Variants in SPATA7 observed in about 807,000 individuals in gnomAD.
SPATA7 encodes spermatogenesis-associated protein 7.
A neutral mutation model predicts 51.8 loss-of-function variants in SPATA7; 43 were observed. The ratio of observed to expected loss-of-function variants is 0.83; its 90% CI spans 0.65 to 1.07. SPATA7 has a LOEUF of 1.07. SPATA7 is among the 50% of genes least tolerant of loss of function. The probability of loss-of-function intolerance (pLI) is 0.00; values close to 1 mark genes in which losing one functional copy is unlikely to be tolerated. For missense variants in SPATA7, 683 were observed against 701.3 expected, an observed-to-expected ratio of 0.97 and a Z score of 0.30; for synonymous variants, 230 against 252.8, an observed-to-expected ratio of 0.91 and a Z score of 0.86.
intron 4 of SPATA7, among the ~76,000 whole-genome samples, chr14:88,462,281 A>C (rs1278537117): frequency 6.6e-6 from 1 of 152,148 alleles, no homozygotes; most frequent in Non-Finnish European, 1.5e-5. Context: ...TTCCCTGTTC[A>C]TTTGTTCAGT....
chr14:88,469,856 C>T lies in SPATA7; in HGVS notation c.265C>T (p.Pro89Ser), dbSNP rs1463259465. 2 of 1,609,312 alleles carry T rather than the reference C, an allele frequency of 1.2e-6. No homozygotes were observed. The highest frequency in any genetic ancestry group is 4.5e-5 in the East Asian group (2 of 44,872). ...GCCTTTTTCTCCACAGGTCAGGATT[C>T]CAGATGATTAACATTAACTGTTCTT... The change falls in exon 5 of 5, where the codon CCA becomes TCA. Residue 89 changes from proline to serine, a missense_variant. Physicochemically the swap from Pro to Ser is moderately conservative, Grantham distance 74. Transcript: ENST00000556406. This position sits in a 1 kb window ranked among gnomAD's most constrained non-coding sequence, Gnocchi z 4.3.
intron 10 of SPATA7, among the ~76,000 whole-genome samples, chr14:88,434,414 C>A (rs927061038): frequency 4.6e-5 from 7 of 152,260 alleles, no homozygotes; most frequent in Non-Finnish European, 1.0e-4. Flanking sequence ...GGGCTGGGCG[C>A]AGTGGCTCAC....
At chr14:88,437,770 T>C in intron 11 of SPATA7, 68 bp from the exon 12 acceptor site, 1 of 1,462,088 alleles carries the variant, frequency 6.8e-7, no homozygotes, top group Non-Finnish European at 9.3e-7. Flanking sequence ...TGTGAGATTT[T>C]CAGCACTGCA....
At chr14:88,415,279 G>C in intron 4 of SPATA7, 1 of 328,274 alleles carries the variant, frequency 3.0e-6, no homozygotes, top group Non-Finnish European at 6.4e-6. Flanking sequence ...AAGTCTTGTG[G>C]AATTGAATCC....
chr14:88,416,606 C>A, intron 4 of SPATA7, 105 bp from the exon 5 acceptor site: 1 of 1,084,270 alleles, frequency 9.2e-7, no homozygotes, highest in Non-Finnish European at 1.4e-6. Flanking sequence ...ATTTACATAT[C>A]ATAACATTTT....
At chr14:88,409,888 A>G (rs1186608553) in intron 4 of SPATA7, among the ~76,000 whole-genome samples, 2 of 152,100 alleles carry the variant, frequency 1.3e-5, no homozygotes, top group Non-Finnish European at 2.9e-5. Context: ...GTTTCCATGT[A>G]GTTGTGTGGC....
intron 2 of SPATA7, among the ~76,000 whole-genome samples, chr14:88,392,845 T>G (rs2075779683): frequency 6.7e-6 from 1 of 150,198 alleles, no homozygotes; most frequent in African/African-American, 2.5e-5. Context: ...GACCAAGGAG[T>G]TTAATGTCAT....
At chr14:88,443,982 C>A (rs2077195678) in intron 3 of SPATA7, among the ~76,000 whole-genome samples, 2 of 151,870 alleles carry the variant, frequency 1.3e-5, no homozygotes, top group Non-Finnish European at 2.9e-5. Flanking sequence ...GATTTATAGT[C>A]CTTTGGGTAT....
intron 1 of SPATA7, among the ~76,000 whole-genome samples, chr14:88,388,695 C>T (rs1480569520): frequency 6.6e-6 from 1 of 152,160 alleles, no homozygotes; most frequent in Non-Finnish European, 1.5e-5. Context: ...GGTTTGTAAT[C>T]AGCCTGGGTA....
intron 1 of SPATA7, among the ~76,000 whole-genome samples, chr14:88,386,531 A>C (rs1196147905): frequency 6.6e-6 from 1 of 152,166 alleles, no homozygotes; most frequent in Admixed American, 6.5e-5. Flanking sequence ...CAGTTTTAGC[A>C]GCAATCCGTA....
chr14:88,391,531 A>G, intron 2 of SPATA7, 76 bp downstream of exon 2: 2 of 1,196,286 alleles, frequency 1.7e-6, no homozygotes, highest in Non-Finnish European at 2.5e-6. Context: ...ATTATATGAC[A>G]TGATGGAAAA....
chr14:88,394,795 C>T (rs74073643), intron 3 of SPATA7, among the ~76,000 whole-genome samples: 5,420 of 152,202 alleles, frequency 0.036, 314 homozygotes, highest in African/African-American at 0.12. Context: ...CAACCCTTGG[C>T]GTTGACAGTC....
At chr14:88,453,684 A>G (rs1222320810) in intron 3 of SPATA7, among the ~76,000 whole-genome samples, 1 of 152,220 alleles carries the variant, frequency 6.6e-6, no homozygotes, top group East Asian at 1.9e-4. Context: ...AATGGAAATA[A>G]TTTATATTTG....
In SPATA7 at chr14:88,393,384, A is replaced by T. The variant is rs1445119354; in HGVS notation, c.95-9A>T. The T allele has an allele frequency of 1.9e-6, 3 of 1,551,190 alleles. No homozygotes were observed. The Admixed American group carries it at 5.4e-5, about 28-fold the overall frequency. On this transcript the variant is annotated splice_polypyrimidine_tract_variant and intron_variant, in intron 2 of 11. Transcript: ENST00000393545. ...TTTAAATATATAATGATTATGTTTT[A>T]ATTTTTAGCTTTTTGCACTGACTCC...
intron 5 of SPATA7, among the ~76,000 whole-genome samples, chr14:88,423,120 AAC>A (rs1179548486): frequency 6.6e-6 from 1 of 152,122 alleles, no homozygotes; most frequent in East Asian, 1.9e-4. Flanking sequence ...TTCACCCTGT[AAC>A]TCTTGAGTCA....
intron 5 of SPATA7, among the ~76,000 whole-genome samples, chr14:88,418,893 G>A (rs1011393388): frequency 3.3e-5 from 5 of 152,168 alleles, no homozygotes; most frequent in African/African-American, 1.2e-4. Context: ...TAATTGTACT[G>A]TGATTAGGAA....
At chr14:88,442,457 A>G (rs2077184146), downstream of SPATA7, among the ~76,000 whole-genome samples, 2 of 152,112 alleles carry the variant, frequency 1.3e-5, no homozygotes, top group Non-Finnish European at 1.5e-5. Context: ...CATAGAAGGT[A>G]TGTTCCTTCT....
chr14:88,428,606 TA>T (rs2076859039), intron 7 of SPATA7: 1 of 152,208 alleles, frequency 6.6e-6, no homozygotes, highest in Non-Finnish European at 1.5e-5. Flanking sequence ...AAGGGCTTAA[TA>T]AATGATAGCT....
intron 3 of SPATA7, among the ~76,000 whole-genome samples, chr14:88,444,953 G>T (rs2077201631): frequency 6.6e-6 from 1 of 152,180 alleles, no homozygotes; most frequent in Admixed American, 6.5e-5. Flanking sequence ...GCTTAGGATT[G>T]ACTTGGCGAT....
Sources: allele counts gnomAD v4.1 joint callset (sites outside exome capture counted in the v4.1 genomes callset), GRCh38; gene constraint gnomAD v4.1.1; non-coding constraint Gnocchi (gnomAD v3.1); transcripts MANE v1.5; gene names NCBI Gene and HGNC (gene_info 2026-07-23, HGNC 2026-07-21).